The following PCDHGA3 variants were observed in gnomAD, a reference collection of about 807,000 sequenced individuals.
PCDHGA3 encodes the protein protocadherin gamma subfamily A, 3.
In PCDHGA3, 40 loss-of-function variants were observed where a neutral mutation model predicts 58.5. The observed-to-expected ratio is 0.68, with a 90% CI of 0.53 to 0.89. The LOEUF is 0.89. PCDHGA3 is among the 40% of genes least tolerant of loss of function. The probability of loss-of-function intolerance (pLI) is 0.00; values close to 1 mark genes in which losing one functional copy is unlikely to be tolerated. For synonymous variants in PCDHGA3, 530 were observed against 525.7 expected (o/e 1.01, Z -0.11); for missense variants, 1,223 against 1,195.9 (o/e 1.02, Z -0.33).
At chr5:141,445,558 G>A (rs1172697298) in intron 1 of PCDHGA3, among the ~76,000 whole-genome samples, 1 of 152,172 alleles carries the variant, frequency 6.6e-6, no homozygotes, top group Non-Finnish European at 1.5e-5. Flanking sequence ...AAAGCACTAA[G>A]AGAAAGCTTA....
At chr5:141,383,892 A>C (rs775731680) in intron 1 of PCDHGA3, 120 of 1,613,900 alleles carry the variant, frequency 7.4e-5, no homozygotes, top group Non-Finnish European at 9.4e-5. Flanking sequence ...TGACAAAGGC[A>C]AAAGTACTGA....
In PCDHGA3 at chr5:141,491,105, C is replaced by T; in HGVS notation, c.2425-3702C>T. ...ACAGCCCCAGGACTGTTCCTCGTGTCTACACACACTGGTGAGGTGCGCACA... is the reference window on the plus strand; with the variant it reads ...ACAGCCCCAGGACTGTTCCTCGTGTTTACACACACTGGTGAGGTGCGCACA... On this transcript the variant is annotated intron_variant, in intron 1 of 3. Transcript: ENST00000253812. This position sits in a 1 kb window ranked among gnomAD's most constrained non-coding sequence, Gnocchi z 6.9. 1 of 1,614,222 alleles carries T rather than the reference C, an allele frequency of 6.2e-7. No individual in the cohort carries two copies. Among genetic ancestry groups the T allele is most frequent in the Non-Finnish European group, 8.5e-7 (1 of 1,180,032 alleles).
chr5:141,407,089 TTTTA>T (rs2094885755), intron 1 of PCDHGA3, among the ~76,000 whole-genome samples: 2 of 152,196 alleles, frequency 1.3e-5, no homozygotes, highest in South Asian at 4.1e-4. Flanking sequence ...TGAAGAATTG[TTTTA>T]TTTGTTTGTA....
At chr5:141,366,709 G>C in intron 1 of PCDHGA3, 4 of 1,614,228 alleles carry the variant, frequency 2.5e-6, no homozygotes, top group Non-Finnish European at 2.5e-6. Flanking sequence ...CTCTTCTGAT[G>C]TCTGATAAGG....
chr5:141,506,380 TG>T (rs2099852860), intron 3 of PCDHGA3, among the ~76,000 whole-genome samples: 1 of 141,314 alleles, frequency 7.1e-6, no homozygotes, highest in Non-Finnish European at 1.5e-5. Flanking sequence ...ACCTGGGAGG[TG>T]GCTGTGGTGA....
chr5:141,394,941 G>C lies in PCDHGA3; in HGVS notation c.2424+48484G>C, dbSNP rs1238884149. The C allele has an allele frequency of 3.1e-6, 5 of 1,613,748 alleles. No individual in the cohort carries two copies. The East Asian group carries it at 1.1e-4, about 36-fold the overall frequency. On this transcript the variant is annotated intron_variant, in intron 1 of 3. Coordinates refer to ENST00000253812, the MANE Select transcript of PCDHGA3 (RefSeq NM_018916.4). Reference sequence around the variant, plus strand: ...CTGTGTCTTCCTCGCCTTTGTCGCTGTGCTTCTGGGGCTCAGGCTGAGGCG... The same window carrying C: ...CTGTGTCTTCCTCGCCTTTGTCGCTCTGCTTCTGGGGCTCAGGCTGAGGCG...
At chr5:141,376,154 C>T (rs1425376305) in intron 1 of PCDHGA3, 11 of 1,614,032 alleles carry the variant, frequency 6.8e-6, no homozygotes, top group Middle Eastern at 1.7e-4. Flanking sequence ...GGACCTCACT[C>T]TGTACCTGGT....
intron 1 of PCDHGA3, chr5:141,392,986 A>G (rs573495684): frequency 1.9e-6 from 3 of 1,613,454 alleles, no homozygotes; most frequent in East Asian, 4.5e-5. Context: ...GACCCCCGGA[A>G]GCTGGCGAAG....
intron 1 of PCDHGA3, chr5:141,391,383 G>T (rs1344096934): frequency 3.3e-5 from 5 of 150,356 alleles, no homozygotes; most frequent in African/African-American, 9.8e-5. Context: ...CACAATGATA[G>T]CTCCCTCCAG....
chr5:141,372,698 C>G, intron 1 of PCDHGA3: 1 of 1,613,986 alleles, frequency 6.2e-7, no homozygotes, highest in Non-Finnish European at 8.5e-7. Flanking sequence ...TTAAATTTCT[C>G]AATATAAAGG....
intron 1 of PCDHGA3, chr5:141,376,469 G>A: frequency 6.2e-7 from 1 of 1,614,186 alleles, no homozygotes; most frequent in Non-Finnish European, 8.5e-7. Flanking sequence ...GATAACTCAG[G>A]ATTTACTTGA....
intron 1 of PCDHGA3, chr5:141,350,979 G>T (rs1242967031): frequency 5.0e-6 from 8 of 1,613,950 alleles, no homozygotes; most frequent in Non-Finnish European, 6.8e-6. Flanking sequence ...CCCGTGTTTA[G>T]CCAGGAGGTA....
intron 1 of PCDHGA3, chr5:141,410,836 ATT>A (rs371761731): frequency 1.6e-5 from 4 of 254,870 alleles, no homozygotes; most frequent in African/African-American, 1.4e-4. Flanking sequence ...GACTGAAGAT[ATT>A]TTGTCTTTGT....
chr5:141,413,483 G>A (rs2095646690), intron 1 of PCDHGA3: 1 of 1,614,080 alleles, frequency 6.2e-7, no homozygotes, highest in East Asian at 2.2e-5. Flanking sequence ...TGCGCTCAGA[G>A]CGCGCGGTGC....
At chr5:141,394,764 C>T in intron 1 of PCDHGA3, 3 of 1,613,450 alleles carry the variant, frequency 1.9e-6, no homozygotes, top group Middle Eastern at 1.6e-4. Flanking sequence ...GGACCATGGC[C>T]AGCCCCCTCT....
intron 1 of PCDHGA3, among the ~76,000 whole-genome samples, chr5:141,354,747 G>C (rs1295935407): frequency 1.3e-5 from 2 of 152,038 alleles, no homozygotes; most frequent in Non-Finnish European, 2.9e-5. Flanking sequence ...ACTGAAAAGA[G>C]GAAGAACACA....
At position 141,344,642 on chromosome 5, in the gene PCDHGA3, G is replaced by GA. The variant is rs766211480; in HGVS notation, c.615dup (p.Glu206ArgfsTer11). On this transcript the variant is annotated frameshift_variant, in exon 1 of 4. Transcript: ENST00000253812. LOFTEE classifies it high-confidence loss of function. ...TGCTGGAGCGGGCCCTGGACCGTGA[G>GA]AAAAAAGAAATTCACCAGCTTGTCC... 2.5e-6 allele frequency: 4 copies of GA among 1,613,938 alleles called. No homozygotes were observed. In the Admixed American group the frequency reaches 5.0e-5, roughly 20 times the overall value.
chr5:141,383,480 T>C, intron 1 of PCDHGA3: 2 of 1,613,740 alleles, frequency 1.2e-6, no homozygotes, highest in Non-Finnish European at 1.7e-6. Context: ...TACCCGGAAC[T>C]GGTGCTGGAG....
intron 1 of PCDHGA3, chr5:141,478,865 T>G: frequency 7.5e-7 from 1 of 1,326,190 alleles, no homozygotes; most frequent in Non-Finnish European, 1.0e-6. Context: ...ATCTCAGCGA[T>G]CAGAGTTTAG....
Sources: allele counts gnomAD v4.1 joint callset (sites outside exome capture counted in the v4.1 genomes callset), GRCh38; gene constraint gnomAD v4.1.1; non-coding constraint Gnocchi (gnomAD v3.1); transcripts MANE v1.5; gene names NCBI Gene and HGNC (gene_info 2026-07-23, HGNC 2026-07-21).